Variants in PRR5 observed in about 807,000 individuals in gnomAD.
PRR5 encodes proline rich 5.
Under a neutral mutation model 30.6 loss-of-function variants are expected in PRR5, and 25 were observed. The observed-to-expected ratio is 0.82, with a 90% CI of 0.60 to 1.14. PRR5 has a LOEUF of 1.14. Among genes scored for constraint, PRR5 ranks in the 50% most tolerant of loss-of-function variants. The probability of loss-of-function intolerance (pLI) is 0.00; values close to 1 mark genes in which losing one functional copy is unlikely to be tolerated. For synonymous variants in PRR5, 286 were observed against 247.1 expected, an observed-to-expected ratio of 1.16 and a Z score of -1.48; for missense variants, 600 against 547.1, an observed-to-expected ratio of 1.10 and a Z score of -0.96.
At chr22:44,717,593 A>G (rs1439873836) in intron 2 of PRR5, among the ~76,000 whole-genome samples, 1 of 151,972 alleles carries the variant, frequency 6.6e-6, no homozygotes, top group Non-Finnish European at 1.5e-5. Flanking sequence ...CTGTCTGTGG[A>G]TGTGCCTATT....
intron 2 of PRR5, among the ~76,000 whole-genome samples, chr22:44,719,089 C>CTT (rs5845664): frequency 6.8e-4 from 98 of 144,552 alleles, no homozygotes; most frequent in East Asian, 5.5e-3. Flanking sequence ...TTTGCATAAT[C>CTT]TTTTTTTTTT....
chr22:44,730,084 G>C, intron 4 of PRR5: 1 of 985,430 alleles, frequency 1.0e-6, no homozygotes, highest in Non-Finnish European at 1.2e-6. Context: ...AGTCCAGCTC[G>C]GCCCCAGCCC....
At chr22:44,684,790 C>T (rs913834462) in intron 1 of PRR5, among the ~76,000 whole-genome samples, 31 of 152,384 alleles carry the variant, frequency 2.0e-4, no homozygotes, top group Admixed American at 1.0e-3. Context: ...CCCTTCCTGT[C>T]GCTCTGGTCT....
chr22:44,727,979 C>A (rs1921167589), intron 4 of PRR5, among the ~76,000 whole-genome samples: 1 of 152,256 alleles, frequency 6.6e-6, no homozygotes, highest in Non-Finnish European at 1.5e-5. Flanking sequence ...GCCACCCACG[C>A]CCCTCGCTTG....
intron 2 of PRR5, among the ~76,000 whole-genome samples, chr22:44,722,834 C>CT (rs1209817923): frequency 2.0e-5 from 3 of 152,024 alleles, no homozygotes; most frequent in South Asian, 4.2e-4. Flanking sequence ...CTTATTTGGG[C>CT]TTTTTTTTCC....
Position 44,735,131 on chromosome 22 carries a change from C to G in PRR5, c.660C>G (p.Ser220Arg). 2 of 1,613,098 alleles carry G rather than the reference C, an allele frequency of 1.2e-6. No homozygotes were observed. Among genetic ancestry groups the G allele is most frequent in the South Asian group, 1.1e-5 (1 of 91,046 alleles). The change falls in exon 7 of 8, where the codon AGC becomes AGG. Residue 220 changes from serine (S) to arginine (R), a missense_variant. Ser to Arg is a moderately radical substitution (Grantham distance 110). Coordinates refer to ENST00000336985, the MANE Select transcript of PRR5 (RefSeq NM_181333.4). Reference sequence around the variant, plus strand: ...TGGGCACCTACGGCCTCCACTCCAGCGAGGGGCCCTTCACCCATTCCTGCA... The same window carrying G: ...TGGGCACCTACGGCCTCCACTCCAGGGAGGGGCCCTTCACCCATTCCTGCA... ...PYLGTYGLHS[S>R]EGPFTHSCIL...
chr22:44,732,545 G>A (rs981093342), intron 6 of PRR5, among the ~76,000 whole-genome samples, 154 bp downstream of exon 6: 2 of 152,180 alleles, frequency 1.3e-5, no homozygotes, highest in Admixed American at 1.3e-4. Context: ...AGGGACCGGG[G>A]AGCAGCTGGT....
chr22:44,714,812 C>A, intron 2 of PRR5, 141 bp downstream of exon 2: 1 of 1,188,552 alleles, frequency 8.4e-7, no homozygotes, highest in Non-Finnish European at 1.2e-6. Flanking sequence ...AACAGGAGAG[C>A]GAGGCCCAAG....
intron 4 of PRR5, chr22:44,730,028 G>A: frequency 2.0e-6 from 2 of 985,474 alleles, no homozygotes; most frequent in Non-Finnish European, 2.4e-6. Flanking sequence ...GGCTACCCGG[G>A]TGGGCAGAGG....
intron 1 of PRR5, among the ~76,000 whole-genome samples, chr22:44,712,702 G>A (rs921000644): frequency 9.2e-5 from 14 of 152,220 alleles, no homozygotes; most frequent in African/African-American, 3.4e-4. Context: ...GCTTTGTGGT[G>A]TGGGCAGCAT....
intron 2 of PRR5, among the ~76,000 whole-genome samples, 155 bp downstream of exon 2, chr22:44,714,826 G>A (rs569201201): frequency 3.9e-4 from 59 of 152,342 alleles, no homozygotes; most frequent in African/African-American, 1.4e-3. Context: ...GCCCAAGTTA[G>A]CAGTGGCCAT....
Position 44,724,591 on chromosome 22 carries a change from C to T in PRR5, c.216-653C>T, listed in dbSNP as rs536272202. ...AGCCTGGCTGGTGTGGAATGTGGTG[C>T]TCCCATTCTCTCAGGCCCTGGAGGT... On this transcript the variant is annotated intron_variant, in intron 2 of 7. Transcript: ENST00000336985. Among the ~76,000 whole-genome samples the T allele has an allele frequency of 5.9e-5, 9 of 152,262 alleles. No individual in the cohort carries two copies. In the South Asian group the frequency reaches 1.7e-3, roughly 28 times the overall value.
At chr22:44,727,157 G>C (rs1920992384) in intron 4 of PRR5, among the ~76,000 whole-genome samples, 1 of 140,906 alleles carries the variant, frequency 7.1e-6, no homozygotes, top group African/African-American at 2.7e-5. Flanking sequence ...GTGCACATCA[G>C]GGGTGGGGGC....
chr22:44,732,715 ATG>A (rs1922263080), intron 6 of PRR5, among the ~76,000 whole-genome samples: 3 of 151,324 alleles, frequency 2.0e-5, no homozygotes, highest in Admixed American at 2.0e-4. Flanking sequence ...CGCACATAGT[ATG>A]CACGTGCACA....
Position 44,732,367 on chromosome 22 carries a change from C to T in PRR5, c.531C>T (p.Ile177=), listed in dbSNP as rs563508927. ...ARAHARVPPA[I]VQMLLVLQGV... ...CCCATGCCCGTGTGCCCCCTGCCAT[C>T]GTGCAGATGCTGCTGGTGCTGCAGG... Residue 177 remains isoleucine (I), a synonymous_variant, in exon 6 of 8, where the codon ATC becomes ATT. Coordinates refer to ENST00000336985, the MANE Select transcript of PRR5 (RefSeq NM_181333.4). 56 of 1,610,460 alleles carry T rather than the reference C, an allele frequency of 3.5e-5. No homozygotes were observed. In the East Asian group the frequency reaches 6.2e-4, roughly 18 times the overall value.
chr22:44,679,629 C>T (rs1045242931), intron 1 of PRR5: 2 of 554,672 alleles, frequency 3.6e-6, no homozygotes, highest in Non-Finnish European at 6.4e-6. Flanking sequence ...AGCACTTGAA[C>T]CCAGGAGGCG....
chr22:44,732,761 C>T (rs1252793127), intron 6 of PRR5, among the ~76,000 whole-genome samples: 7 of 149,948 alleles, frequency 4.7e-5, no homozygotes, highest in Non-Finnish European at 7.4e-5. Flanking sequence ...CACGCACACG[C>T]TACACACATG....
At chr22:44,732,419 A>T in intron 6 of PRR5, 28 bp downstream of exon 6, 2 of 1,590,778 alleles carry the variant, frequency 1.3e-6, no homozygotes, top group Non-Finnish European at 1.7e-6. Flanking sequence ...AGGGTCGGGC[A>T]TGGGGACCGT....
rs576965839 is a variant in PRR5, at chr22:44,736,719, C to T, written c.692-53C>T. ...GTGCAGTGAGCAGCAGGTGCCAAGG[C>T]GGGCGGGGACCCAGGTGGCCTCTGG... On this transcript the variant is annotated intron_variant, in intron 7 of 7. Coordinates refer to ENST00000336985, the MANE Select transcript of PRR5 (RefSeq NM_181333.4). 3.5e-5 allele frequency: 53 copies of T among 1,511,064 alleles called. 1 individual carries two copies. In the East Asian group the frequency reaches 5.5e-4, roughly 16 times the overall value. 93.6% of individuals were successfully genotyped at this position (1,511,064 alleles called of 1,614,324 possible).
Sources: gnomAD v4.1 joint callset for allele counts (sites outside exome capture counted in the v4.1 genomes callset) on GRCh38, gnomAD v4.1.1 for gene constraint, MANE v1.5 for transcripts, NCBI Gene and HGNC (gene_info 2026-07-23, HGNC 2026-07-21) for gene names.